TMEM196: variants seen among roughly 807,000 people sequenced by gnomAD.
TMEM196 encodes transmembrane protein 196.
Under a neutral mutation model 20.0 loss-of-function variants are expected in TMEM196, and 17 were observed. That is an observed-to-expected ratio of 0.85 (90% CI 0.58 to 1.27). The LOEUF (loss-of-function observed/expected upper bound fraction) is 1.27. Ranked by LOEUF, TMEM196 falls within the 50% of genes most tolerant of loss-of-function variation. The pLI, the probability that TMEM196 is intolerant of heterozygous loss-of-function variation, is 0.00. For synonymous variants in TMEM196, 113 were observed against 88.9 expected, an observed-to-expected ratio of 1.27 and a Z score of -1.52; for missense variants, 267 against 223.0, an observed-to-expected ratio of 1.20 and a Z score of -1.26.
intron 1 of TMEM196, among the ~76,000 whole-genome samples, chr7:19,767,754 G>GTTAA (rs894643143): frequency 4.6e-5 from 7 of 151,988 alleles, no homozygotes; most frequent in Non-Finnish European, 7.4e-5. Flanking sequence ...AATCCCTTAT[G>GTTAA]TTAAGTACTT....
At chr7:19,745,560 C>T (rs1272285253) in intron 1 of TMEM196, among the ~76,000 whole-genome samples, 1 of 151,826 alleles carries the variant, frequency 6.6e-6, no homozygotes, top group Non-Finnish European at 1.5e-5. Context: ...TAAAGCCTAA[C>T]ACAGCTAGAA....
intron 1 of TMEM196, among the ~76,000 whole-genome samples, chr7:19,762,973 A>G (rs1785492436): frequency 6.6e-6 from 1 of 152,244 alleles, no homozygotes; most frequent in African/African-American, 2.4e-5. Flanking sequence ...CCCCCAAGTC[A>G]GGGTAATAGC....
At chr7:19,735,574 T>TA (rs1408640048) in intron 1 of TMEM196, among the ~76,000 whole-genome samples, 4 of 151,916 alleles carry the variant, frequency 2.6e-5, no homozygotes, top group Non-Finnish European at 4.4e-5. Context: ...CAACTAAGAG[T>TA]AAAAAAGGCA....
At chr7:19,750,833 T>C (rs1052170259) in intron 1 of TMEM196, among the ~76,000 whole-genome samples, 1 of 152,116 alleles carries the variant, frequency 6.6e-6, no homozygotes, top group East Asian at 1.9e-4. Flanking sequence ...AACAATCATA[T>C]ATTATATCTT....
Position 19,719,373 on chromosome 7 carries a change from C to T in TMEM196, c.*2755G>A, listed in dbSNP as rs1411396026. 2 of 148,584 alleles carry T rather than the reference C, an allele frequency of 1.3e-5. No homozygotes were observed. The highest frequency in any genetic ancestry group is 3.0e-5 in the Non-Finnish European group (2 of 65,836). 9.2% of individuals were successfully genotyped at this position (148,584 alleles called of 1,614,324 possible). A position where few individuals can be genotyped will look rare whatever the true frequency, so the allele number is the denominator to read the frequency against. ...GTCAGTAGAGTTATCATTTCCTGTT[C>T]CACTTCCAAACCATTGTGTGTGTGT... On this transcript the variant is annotated 3_prime_UTR_variant, in exon 5 of 5. Transcript: ENST00000405844.
chr7:19,732,527 C>T (rs1166837723), intron 1 of TMEM196, among the ~76,000 whole-genome samples: 1 of 149,198 alleles, frequency 6.7e-6, no homozygotes, highest in Non-Finnish European at 1.5e-5. Context: ...GAGCCGAGAT[C>T]GCATCACTGC....
intron 1 of TMEM196, among the ~76,000 whole-genome samples, chr7:19,761,298 C>A (rs2128037512): frequency 6.6e-6 from 1 of 152,184 alleles, no homozygotes; most frequent in South Asian, 2.1e-4. Flanking sequence ...GTTCTTTTTT[C>A]CTTAAGCTCA....
At chr7:19,754,744 C>T (rs1785133910) in intron 1 of TMEM196, among the ~76,000 whole-genome samples, 1 of 152,090 alleles carries the variant, frequency 6.6e-6, no homozygotes, top group South Asian at 2.1e-4. Context: ...TATTTATTTA[C>T]CTTAAGCAAG....
intron 2 of TMEM196, among the ~76,000 whole-genome samples, chr7:19,728,566 T>A (rs907537980): frequency 6.6e-6 from 1 of 152,172 alleles, no homozygotes; most frequent in African/African-American, 2.4e-5. Context: ...CATTCCCTGA[T>A]CTGCTCAGAT....
Position 19,719,701 on chromosome 7 carries a change from C to G in TMEM196, c.*2427G>C, listed in dbSNP as rs187678398. Reference sequence around the variant, plus strand: ...CTTGAACAATGTCTTCCTAACATCCCCCACTTATCTAAAAAAGAATCGCCG... The same window carrying G: ...CTTGAACAATGTCTTCCTAACATCCGCCACTTATCTAAAAAAGAATCGCCG... On this transcript the variant is annotated 3_prime_UTR_variant, in exon 5 of 5. Coordinates refer to ENST00000405844, the MANE Select transcript of TMEM196 (RefSeq NM_001363562.2). The G allele has an allele frequency of 1.3e-5, 2 of 152,050 alleles. No individual in the cohort carries two copies. The highest frequency in any genetic ancestry group is 3.9e-4 in the East Asian group (2 of 5,194). 9.4% of individuals were successfully genotyped at this position (152,050 alleles called of 1,614,324 possible). A position where few individuals can be genotyped will look rare whatever the true frequency, so the allele number is the denominator to read the frequency against.
chr7:19,765,356 A>T (rs1242664865), intron 1 of TMEM196, among the ~76,000 whole-genome samples: 1 of 152,172 alleles, frequency 6.6e-6, no homozygotes, highest in Non-Finnish European at 1.5e-5. Context: ...ATTGGTACTA[A>T]TAAATCATGG....
At chr7:19,770,194 T>C (rs1011461876) in intron 1 of TMEM196, among the ~76,000 whole-genome samples, 5 of 152,204 alleles carry the variant, frequency 3.3e-5, no homozygotes, top group African/African-American at 1.2e-4. Flanking sequence ...CTTTTTTGCC[T>C]CCGTATCTCT....
intron 1 of TMEM196, among the ~76,000 whole-genome samples, chr7:19,738,287 A>G (rs900447308): frequency 6.6e-6 from 1 of 152,126 alleles, no homozygotes; most frequent in Non-Finnish European, 1.5e-5. Flanking sequence ...TCAGGGTAAG[A>G]GTCTAGAATG....
chr7:19,745,032 C>T (rs1053378754), intron 1 of TMEM196, among the ~76,000 whole-genome samples: 13 of 152,024 alleles, frequency 8.6e-5, no homozygotes, highest in African/African-American at 3.1e-4. Context: ...TTGGGACCAC[C>T]GTAGATCCTG....
At chr7:19,760,687 C>A (rs1235329083) in intron 1 of TMEM196, among the ~76,000 whole-genome samples, 2 of 152,028 alleles carry the variant, frequency 1.3e-5, no homozygotes, top group Non-Finnish European at 2.9e-5. Flanking sequence ...ATAGCACAAT[C>A]TTTAATTTTA....
chr7:19,732,174 C>G (rs1287613836), intron 1 of TMEM196, among the ~76,000 whole-genome samples: 1 of 152,184 alleles, frequency 6.6e-6, no homozygotes, highest in African/African-American at 2.4e-5. Flanking sequence ...CACGTGGGGA[C>G]ATGGTCCAGA....
At chr7:19,736,400 T>TATATATATATAA in intron 1 of TMEM196, among the ~76,000 whole-genome samples, 3 of 136,094 alleles carry the variant, frequency 2.2e-5, no homozygotes, top group South Asian at 5.0e-4. Context: ...TATATATATA[T>TATATATATATAA]AAATTATCTC....
chr7:19,723,017 C>T (rs117885514), intron 4 of TMEM196, among the ~76,000 whole-genome samples: 1 of 151,150 alleles, frequency 6.6e-6, no homozygotes, highest in African/African-American at 2.4e-5. Flanking sequence ...CTATTTGCAA[C>T]AGAGCAGAAA....
intron 1 of TMEM196, among the ~76,000 whole-genome samples, chr7:19,757,242 T>C (rs1034758645): frequency 6.6e-5 from 10 of 150,760 alleles, no homozygotes; most frequent in Admixed American, 2.6e-4. Context: ...GGCGCAATCT[T>C]GGCTCACTGC....
Sources: allele counts gnomAD v4.1 joint callset (sites outside exome capture counted in the v4.1 genomes callset), GRCh38; gene constraint gnomAD v4.1.1; transcripts MANE v1.5; gene names NCBI Gene and HGNC (gene_info 2026-07-23, HGNC 2026-07-21).